CDC42BPA: variants seen among roughly 807,000 people sequenced by gnomAD.
CDC42BPA encodes the protein CDC42 binding protein kinase alpha.
CDC42BPA carries 80 observed loss-of-function variants against 223.5 expected under a neutral mutation model. The ratio of observed to expected loss-of-function variants is 0.36; its 90% CI spans 0.30 to 0.43. The LOEUF (loss-of-function observed/expected upper bound fraction) is 0.43, where lower values mean the gene tolerates loss of function less well. Ranked by LOEUF, CDC42BPA falls within the 20% of genes least tolerant of loss-of-function variation. The pLI, the probability that CDC42BPA is intolerant of heterozygous loss-of-function variation, is 1.00. For synonymous variants in CDC42BPA, 694 were observed against 718.6 expected, an observed-to-expected ratio of 0.97 and a Z score of 0.55; for missense variants, 1,743 against 2,099.9, an observed-to-expected ratio of 0.83 and a Z score of 3.32.
In CDC42BPA at chr1:227,317,023, G is replaced by A. The variant is rs749749152; in HGVS notation, c.160C>T (p.Leu54Phe). 6.2e-7 allele frequency: 1 copy of A among 1,613,226 alleles called. No homozygotes were observed. The highest frequency in any genetic ancestry group is 1.1e-5 in the South Asian group (1 of 90,954). Residue 54 changes from leucine (L) to phenylalanine (F), a missense_variant, in exon 1 of 37, where the codon CTC (leucine) becomes TTC (phenylalanine). Leu to Phe is a conservative substitution (Grantham distance 22). Transcript: ENST00000366766. ...AACTTACCCCATTCTAGGTATTCGA[G>A]AATGTTCTTCTCTCTTCTCAATGGA... ...NSPLRREKNILEYLEWAKPFT... is the reference protein window; with the variant it reads ...NSPLRREKNIFEYLEWAKPFT...
intron 1 of CDC42BPA, among the ~76,000 whole-genome samples, chr1:227,258,662 C>G (rs1019039430): frequency 3.3e-5 from 5 of 150,556 alleles, no homozygotes; most frequent in Admixed American, 2.0e-4. Context: ...AATCATGTAT[C>G]AATTACTTGA....
chr1:227,316,586 T>C (rs184372942), intron 1 of CDC42BPA, among the ~76,000 whole-genome samples: 102 of 152,348 alleles, frequency 6.7e-4, no homozygotes, highest in Middle Eastern at 3.4e-3. Flanking sequence ...AACACAGATA[T>C]TTTAATATCT....
chr1:227,106,943 C>T (rs889174857), intron 14 of CDC42BPA, among the ~76,000 whole-genome samples: 2 of 152,094 alleles, frequency 1.3e-5, no homozygotes, highest in Non-Finnish European at 2.9e-5. Flanking sequence ...ATGACAGTAC[C>T]ACATTGTTTT....
chr1:227,161,075 C>A (rs552340726), intron 5 of CDC42BPA, among the ~76,000 whole-genome samples: 1 of 152,260 alleles, frequency 6.6e-6, no homozygotes, highest in South Asian at 2.1e-4. Flanking sequence ...TCAATTACTG[C>A]AGGTCATGAC....
Position 226,994,150 on chromosome 1 carries a change from A to C in CDC42BPA, c.*118T>G. On this transcript the variant is annotated 3_prime_UTR_variant, in exon 37 of 37. Transcript: ENST00000366766. This position sits in a 1 kb window ranked among gnomAD's most constrained non-coding sequence, Gnocchi z 4.0. Reference sequence around the variant, plus strand: ...AGAACTCCTGAATCCCTGTCCTGCTACTGCTGCCAGCCCCTGGTGGCTTTC... The same window carrying C: ...AGAACTCCTGAATCCCTGTCCTGCTCCTGCTGCCAGCCCCTGGTGGCTTTC... 1 of 923,952 alleles carries C rather than the reference A, an allele frequency of 1.1e-6. No homozygotes were observed. The highest frequency in any genetic ancestry group is 1.6e-6 in the Non-Finnish European group (1 of 619,466). The allele number at this position is 923,952 out of a possible 1,614,324, so 57.2% of individuals were successfully genotyped here. A position where few individuals can be genotyped will look rare whatever the true frequency, so the allele number is the denominator to read the frequency against.
intron 10 of CDC42BPA, among the ~76,000 whole-genome samples, chr1:227,136,983 T>A (rs895893000): frequency 6.6e-6 from 1 of 151,970 alleles, no homozygotes; most frequent in Admixed American, 6.6e-5. Context: ...CGGGTAAATA[T>A]ATGGGTAAAT....
chr1:227,213,730 T>C (rs1038474791), intron 2 of CDC42BPA, among the ~76,000 whole-genome samples: 2 of 152,114 alleles, frequency 1.3e-5, no homozygotes, highest in Non-Finnish European at 2.9e-5. Context: ...CACATACTCT[T>C]ACATACTATA....
chr1:227,091,847 G>A lies in CDC42BPA; in HGVS notation c.2355+39C>T, dbSNP rs201042759. 10 of 1,091,966 alleles carry A rather than the reference G, an allele frequency of 9.2e-6. No homozygotes were observed. In the Admixed American group the frequency reaches 1.2e-4, roughly 13 times the overall value. 67.6% of individuals were successfully genotyped at this position (1,091,966 alleles called of 1,614,324 possible). ...AATTCCTATCAGTGTTGAACATCTA[G>A]CATGTACTACTCAATTAATATGAGA... is the stretch of plus-strand genomic sequence containing the variant. On this transcript the variant is annotated intron_variant, in intron 16 of 36. Coordinates refer to ENST00000366766, the MANE Select transcript of CDC42BPA (RefSeq NM_001394014.1).
chr1:227,056,383 TTTTCTTTTC>T (rs1207976968), intron 21 of CDC42BPA, among the ~76,000 whole-genome samples: 1 of 137,132 alleles, frequency 7.3e-6, no homozygotes, highest in Non-Finnish European at 1.6e-5. Context: ...GTTTCTTTTC[TTTTCTTTTC>T]TTTTTTTTTT....
At chr1:227,196,724 T>A (rs1481181202) in intron 4 of CDC42BPA, among the ~76,000 whole-genome samples, 1 of 152,218 alleles carries the variant, frequency 6.6e-6, no homozygotes, top group Non-Finnish European at 1.5e-5. Context: ...TTAGAGTTCA[T>A]ATGAGTTACT....
intron 9 of CDC42BPA, among the ~76,000 whole-genome samples, chr1:227,141,034 C>T (rs6656723): frequency 0.93 from 141,507 of 152,032 alleles, 66,041 homozygotes; most frequent in South Asian, 0.98. Flanking sequence ...CCCTAGAAGA[C>T]AGGAGAAGGT....
At chr1:227,307,604 T>C (rs1395891742) in intron 1 of CDC42BPA, among the ~76,000 whole-genome samples, 2 of 152,226 alleles carry the variant, frequency 1.3e-5, no homozygotes, top group African/African-American at 4.8e-5. Context: ...CAAAAAGCAC[T>C]ATTTTCCAAT....
At chr1:227,080,814 T>C in intron 17 of CDC42BPA, 79 bp downstream of exon 17, 2 of 1,493,992 alleles carry the variant, frequency 1.3e-6, no homozygotes, top group Non-Finnish European at 9.2e-7. Flanking sequence ...AAACCATTAT[T>C]AGTAGCCACC....
intron 10 of CDC42BPA, 57 bp from the exon 11 acceptor site, chr1:227,129,288 C>T: frequency 8.3e-7 from 1 of 1,206,058 alleles, no homozygotes; most frequent in Non-Finnish European, 1.2e-6. Context: ...ATTCTTAAAA[C>T]TAATAACATT....
At chr1:227,024,525 T>C (rs1667903190) in intron 31 of CDC42BPA, among the ~76,000 whole-genome samples, 1 of 152,156 alleles carries the variant, frequency 6.6e-6, no homozygotes, top group Admixed American at 6.5e-5. Context: ...TGCAAAAAGC[T>C]AGTAAATAAT....
At chr1:227,157,512 A>G (rs1377315903) in intron 6 of CDC42BPA, among the ~76,000 whole-genome samples, 1 of 152,128 alleles carries the variant, frequency 6.6e-6, no homozygotes, top group Non-Finnish European at 1.5e-5. Context: ...CTGCTTTTAA[A>G]TGTTTTAATC....
chr1:227,196,805 CT>C (rs1670835525), intron 4 of CDC42BPA, among the ~76,000 whole-genome samples: 1 of 151,950 alleles, frequency 6.6e-6, no homozygotes, highest in Non-Finnish European at 1.5e-5. Context: ...AGATATTTTC[CT>C]TTTTTTCCTC....
At chr1:227,147,751 C>A (rs1213815096) in intron 6 of CDC42BPA, among the ~76,000 whole-genome samples, 192 bp from the exon 7 acceptor site, 3 of 151,962 alleles carry the variant, frequency 2.0e-5, no homozygotes, top group Non-Finnish European at 4.4e-5. Context: ...GATTTCATAA[C>A]ACTATAGAAC....
Position 227,028,977 on chromosome 1 carries a change from C to T in CDC42BPA, c.4112G>A (p.Arg1371His), listed in dbSNP as rs200051797. Residue 1371 changes from arginine to histidine, a missense_variant, in exon 30 of 37, where the codon CGT becomes CAT. Physicochemically the swap from Arg to His is conservative, Grantham distance 29. This residue lies in a region of CDC42BPA where 678 missense variants were observed against 777.5 expected (regional missense o/e 0.87). Transcript: ENST00000366766. ...LCYELFQSKT[R>H]HRKFKEIQVP... ...TTGAATTTCTTTAAATTTTCTGTGACGGGTCTTGCTCTGAAATAGTTCATA... is the reference window on the plus strand; with the variant it reads ...TTGAATTTCTTTAAATTTTCTGTGATGGGTCTTGCTCTGAAATAGTTCATA... 17 of 1,614,038 alleles carry T rather than the reference C, an allele frequency of 1.1e-5. No homozygotes were observed. Among genetic ancestry groups the T allele is most frequent in the Middle Eastern group, 1.6e-4 (1 of 6,062 alleles).
Sources: gnomAD v4.1 joint callset for allele counts (sites outside exome capture counted in the v4.1 genomes callset) on GRCh38, gnomAD v4.1.1 for gene constraint, gnomAD v4.1.1 regional missense constraint, Gnocchi (gnomAD v3.1) non-coding constraint, MANE v1.5 for transcripts, NCBI Gene and HGNC (gene_info 2026-07-23, HGNC 2026-07-21) for gene names.